The following SKAP1 variants were observed in gnomAD, a reference collection of about 807,000 sequenced individuals.
SKAP1 encodes src kinase associated phosphoprotein 1.
A neutral mutation model predicts 58.5 loss-of-function variants in SKAP1; 44 were observed. That is an observed-to-expected ratio of 0.75 (90% confidence interval 0.59 to 0.97). The LOEUF (loss-of-function observed/expected upper bound fraction) is 0.97, where lower values mean the gene tolerates loss of function less well. SKAP1 is among the 50% of genes least tolerant of loss of function. The pLI, the probability that SKAP1 is intolerant of heterozygous loss-of-function variation, is 0.00. For synonymous variants in SKAP1, 127 were observed against 149.7 expected (o/e 0.85, Z 1.11); for missense variants, 390 against 435.2 (o/e 0.90, Z 0.92).
intron 4 of SKAP1, among the ~76,000 whole-genome samples, chr17:48,323,718 A>G (rs1391496198): frequency 6.6e-6 from 1 of 152,092 alleles, no homozygotes; most frequent in Admixed American, 6.6e-5. Flanking sequence ...ATTACCTTCA[A>G]AAAAGAACAT....
intron 2 of SKAP1, among the ~76,000 whole-genome samples, chr17:48,367,340 G>T (rs1270190643): frequency 1.3e-5 from 2 of 151,650 alleles, no homozygotes; most frequent in Non-Finnish European, 2.9e-5. Flanking sequence ...TAAATTCTGA[G>T]GATCTAATGT....
At chr17:48,415,662 C>T (rs866213626) in intron 1 of SKAP1, among the ~76,000 whole-genome samples, 3 of 152,152 alleles carry the variant, frequency 2.0e-5, no homozygotes, top group African/African-American at 4.8e-5. Context: ...CCTTCCCTTT[C>T]GGCCCTTCCA....
intron 4 of SKAP1, among the ~76,000 whole-genome samples, chr17:48,223,711 A>C (rs2065031091): frequency 1.3e-5 from 2 of 152,116 alleles, no homozygotes; most frequent in African/African-American, 4.8e-5. Context: ...CAAGTTAACC[A>C]GTTTTTATGA....
intron 4 of SKAP1, among the ~76,000 whole-genome samples, chr17:48,281,744 T>C (rs900773327): frequency 1.3e-5 from 2 of 152,180 alleles, no homozygotes; most frequent in African/African-American, 4.8e-5. Context: ...TTTGGAACAG[T>C]ATAAGTTTAT....
intron 2 of SKAP1, among the ~76,000 whole-genome samples, chr17:48,388,288 G>T (rs1026001618): frequency 1.3e-5 from 2 of 152,124 alleles, no homozygotes; most frequent in African/African-American, 4.8e-5. Flanking sequence ...ACAAAAATTA[G>T]CCGGGCATGG....
intron 4 of SKAP1, among the ~76,000 whole-genome samples, chr17:48,263,743 G>C (rs924550948): frequency 2.0e-5 from 3 of 152,162 alleles, no homozygotes; most frequent in African/African-American, 7.2e-5. Context: ...GTGAACTCCA[G>C]TCATCGAGTC....
At chr17:48,353,962 G>GAA (rs2066841095) in intron 3 of SKAP1, among the ~76,000 whole-genome samples, 6 of 132,616 alleles carry the variant, frequency 4.5e-5, no homozygotes, top group African/African-American at 1.5e-4. Context: ...AAGAAGAAGA[G>GAA]GAAGAAAAAG....
intron 4 of SKAP1, among the ~76,000 whole-genome samples, chr17:48,320,751 C>A (rs1413411107): frequency 3.4e-5 from 5 of 147,720 alleles, no homozygotes. Context: ...CCATCTCTAC[C>A]TCCACCAATT....
At chr17:48,145,403 A>G (rs1397293342) in intron 11 of SKAP1, among the ~76,000 whole-genome samples, 1 of 116,352 alleles carries the variant, frequency 8.6e-6, no homozygotes, top group African/African-American at 3.5e-5. Flanking sequence ...GATTTATGCT[A>G]ATCTCCATCA....
intron 4 of SKAP1, among the ~76,000 whole-genome samples, chr17:48,202,904 G>C (rs1380908482): frequency 6.6e-6 from 1 of 152,208 alleles, no homozygotes; most frequent in African/African-American, 2.4e-5. Flanking sequence ...GGATGCATCT[G>C]TTTGTCTGTC....
At chr17:48,430,556 G>C (rs3809744), upstream of SKAP1, among the ~76,000 whole-genome samples, 12,280 of 152,188 alleles carry the variant, frequency 0.081, 643 homozygotes, top group East Asian at 0.21. Context: ...GTAGGGTGCA[G>C]GGAGGCAGAA....
chr17:48,205,037 TTC>T (rs376567367), intron 4 of SKAP1, among the ~76,000 whole-genome samples: 29 of 55,804 alleles, frequency 5.2e-4, no homozygotes, highest in African/African-American at 1.4e-3. Flanking sequence ...CTTTCTTTCT[TTC>T]TCTCTCTCTC....
chr17:48,230,535 G>A (rs1345174922), intron 4 of SKAP1, among the ~76,000 whole-genome samples: 2 of 152,078 alleles, frequency 1.3e-5, no homozygotes, highest in East Asian at 1.9e-4. Context: ...TGGGCAGATC[G>A]CTTGAGGCCA....
chr17:48,328,514 C>T (rs2144255128), intron 4 of SKAP1, among the ~76,000 whole-genome samples: 1 of 152,130 alleles, frequency 6.6e-6, no homozygotes. Context: ...AGTTTCTGTC[C>T]TACACAAACA....
chr17:48,429,124 G>T (rs187099337), intron 1 of SKAP1, among the ~76,000 whole-genome samples: 1 of 152,168 alleles, frequency 6.6e-6, no homozygotes, highest in African/African-American at 2.4e-5. Context: ...AAAGCAGGCC[G>T]TCTGTTAAAT....
intron 4 of SKAP1, among the ~76,000 whole-genome samples, chr17:48,309,665 A>T (rs937200165): frequency 6.6e-6 from 1 of 152,224 alleles, no homozygotes; most frequent in Non-Finnish European, 1.5e-5. Context: ...ACATATTCAG[A>T]GACCAAGAAA....
chr17:48,267,390 C>A (rs2065565611), intron 4 of SKAP1, among the ~76,000 whole-genome samples: 1 of 152,098 alleles, frequency 6.6e-6, no homozygotes, highest in East Asian at 1.9e-4. Context: ...CTTCCAAAAT[C>A]AATTTTAATT....
chr17:48,400,252 C>A lies in SKAP1; in HGVS notation c.47-3467G>T, dbSNP rs1054591560. 3.3e-5 allele frequency among the ~76,000 whole-genome samples: 5 copies of A among 151,950 alleles called. No homozygotes were observed. The East Asian group carries it at 7.8e-4, about 24-fold the overall frequency. On this transcript the variant is annotated intron_variant, in intron 1 of 12. Coordinates refer to ENST00000336915, the MANE Select transcript of SKAP1 (RefSeq NM_003726.4). ...TAGCTGGGACTACAGGCACGCACCA[C>A]CACACCTGGCTAATTTTTGTATTTT...
chr17:48,355,860 AAACTC>A (rs1397849250), intron 3 of SKAP1, among the ~76,000 whole-genome samples: 2 of 151,754 alleles, frequency 1.3e-5, no homozygotes, highest in Non-Finnish European at 2.9e-5. Flanking sequence ...AGTGATAAGT[AAACTC>A]AACACACCTA....
Sources: allele counts gnomAD v4.1 joint callset (sites outside exome capture counted in the v4.1 genomes callset), GRCh38; gene constraint gnomAD v4.1.1; transcripts MANE v1.5; gene names NCBI Gene and HGNC (gene_info 2026-07-23, HGNC 2026-07-21).